ICA1: variants seen among roughly 807,000 people sequenced by gnomAD.
ICA1 encodes the protein 69 kDa islet cell autoantigen.
In ICA1, 40 loss-of-function variants were observed where a neutral mutation model predicts 71.0. The observed-to-expected ratio is 0.56, with a 90% CI of 0.44 to 0.73. The LOEUF is 0.73. Among genes scored for constraint, ICA1 ranks in the 30% least tolerant of loss-of-function variants. ICA1 has a pLI of 0.00. For synonymous variants in ICA1, 207 were observed against 209.5 expected (o/e 0.99, Z 0.10); for missense variants, 578 against 576.5 (o/e 1.00, Z -0.03).
chr7:8,114,553 G>T (rs74701600), intron 13 of ICA1, among the ~76,000 whole-genome samples: 2 of 152,124 alleles, frequency 1.3e-5, no homozygotes, highest in African/African-American at 4.8e-5. Context: ...TCTTCTCTCA[G>T]GGTCACTGCC....
intron 6 of ICA1, among the ~76,000 whole-genome samples, chr7:8,188,716 C>T (rs1164113005): frequency 6.6e-6 from 1 of 152,132 alleles, no homozygotes; most frequent in Non-Finnish European, 1.5e-5. Flanking sequence ...TGCTGCCAAT[C>T]CTGCCTCTCT....
chr7:8,177,437 A>C (rs1439986795), intron 6 of ICA1, among the ~76,000 whole-genome samples: 1 of 152,194 alleles, frequency 6.6e-6, no homozygotes, highest in Non-Finnish European at 1.5e-5. Flanking sequence ...TTAGGTCACA[A>C]GACTGAGCCC....
chr7:8,188,372 A>T (rs1784533853), intron 6 of ICA1, among the ~76,000 whole-genome samples: 1 of 152,122 alleles, frequency 6.6e-6, no homozygotes, highest in Admixed American at 6.5e-5. Context: ...AGCTACCAAA[A>T]TTAACTCTCC....
intron 6 of ICA1, among the ~76,000 whole-genome samples, chr7:8,198,072 T>C (rs1788307421): frequency 1.3e-5 from 2 of 152,246 alleles, no homozygotes; most frequent in East Asian, 1.9e-4. Flanking sequence ...ACAATACAGA[T>C]TGTGGTATAC....
chr7:8,213,354 G>A (rs1325484252), intron 6 of ICA1, among the ~76,000 whole-genome samples: 1 of 152,108 alleles, frequency 6.6e-6, no homozygotes, highest in Non-Finnish European at 1.5e-5. Context: ...ATTTAACACT[G>A]GTTCACTGTA....
intron 8 of ICA1, among the ~76,000 whole-genome samples, chr7:8,154,261 ACT>A (rs1372342664): frequency 2.0e-5 from 3 of 152,144 alleles, no homozygotes; most frequent in Non-Finnish European, 4.4e-5. Context: ...AAGAATTATA[ACT>A]CTATTTCTTA....
intron 6 of ICA1, among the ~76,000 whole-genome samples, chr7:8,184,193 A>G (rs926588286): frequency 5.3e-5 from 8 of 152,216 alleles, no homozygotes; most frequent in African/African-American, 1.9e-4. Context: ...GTCAAACAGA[A>G]AAGTGCTCAG....
chr7:8,233,224 G>A (rs988426949), intron 2 of ICA1, among the ~76,000 whole-genome samples: 1 of 152,290 alleles, frequency 6.6e-6, no homozygotes, highest in Admixed American at 6.5e-5. Flanking sequence ...ATCTGTTACA[G>A]AGAAATCTAA....
At chr7:8,145,748 G>GA (rs1796628625) in intron 8 of ICA1, among the ~76,000 whole-genome samples, 1 of 141,234 alleles carries the variant, frequency 7.1e-6, no homozygotes, top group Non-Finnish European at 1.5e-5. Flanking sequence ...GAATCATTGT[G>GA]TATATATATA....
At chr7:8,166,551 C>T (rs1217514520) in intron 6 of ICA1, among the ~76,000 whole-genome samples, 1 of 152,066 alleles carries the variant, frequency 6.6e-6, no homozygotes, top group Non-Finnish European at 1.5e-5. Context: ...TGAAAGATAA[C>T]CTGGGACAAA....
intron 12 of ICA1, among the ~76,000 whole-genome samples, chr7:8,137,698 T>C (rs1486561294): frequency 6.6e-6 from 1 of 152,256 alleles, no homozygotes; most frequent in African/African-American, 2.4e-5. Context: ...ATTCACACAG[T>C]ACTGCATAGT....
At chr7:8,149,521 T>A (rs1270915573) in intron 8 of ICA1, among the ~76,000 whole-genome samples, 2 of 152,184 alleles carry the variant, frequency 1.3e-5, no homozygotes, top group Non-Finnish European at 2.9e-5. Flanking sequence ...CAGCTTAATA[T>A]AATAATGGGA....
chr7:8,253,180 T>C (rs1196734941), intron 1 of ICA1, among the ~76,000 whole-genome samples: 1 of 152,246 alleles, frequency 6.6e-6, no homozygotes, highest in Non-Finnish European at 1.5e-5. Context: ...CAATATTCTG[T>C]ACTAGTTACA....
At chr7:8,260,440 C>G (rs1028839870) in intron 1 of ICA1, among the ~76,000 whole-genome samples, 2 of 152,140 alleles carry the variant, frequency 1.3e-5, no homozygotes, top group East Asian at 1.9e-4. Flanking sequence ...ATCTTTAGCA[C>G]TCAATGATCC....
At chr7:8,191,443 G>A (rs1785607879) in intron 6 of ICA1, among the ~76,000 whole-genome samples, 1 of 152,128 alleles carries the variant, frequency 6.6e-6, no homozygotes, top group South Asian at 2.1e-4. Context: ...TCAGTACAGT[G>A]TTCAATAAAT....
At chr7:8,172,371 G>C (rs1437306972) in intron 6 of ICA1, among the ~76,000 whole-genome samples, 1 of 151,970 alleles carries the variant, frequency 6.6e-6, no homozygotes, top group Admixed American at 6.6e-5. Flanking sequence ...GTATGTTTTT[G>C]TCTGATATGA....
intron 2 of ICA1, among the ~76,000 whole-genome samples, chr7:8,235,220 T>C (rs1249136324): frequency 1.3e-5 from 2 of 152,164 alleles, no homozygotes; most frequent in East Asian, 3.8e-4. Context: ...ATGTAACACA[T>C]TTGTTTTTCA....
intron 12 of ICA1, among the ~76,000 whole-genome samples, chr7:8,133,284 A>G (rs1792157615): frequency 6.6e-6 from 1 of 152,070 alleles, no homozygotes; most frequent in South Asian, 2.1e-4. Context: ...AATAAATTCC[A>G]TTTCTTTCTT....
At chr7:8,195,502 A>G (rs1244905307) in intron 6 of ICA1, among the ~76,000 whole-genome samples, 1 of 152,088 alleles carries the variant, frequency 6.6e-6, no homozygotes, top group Non-Finnish European at 1.5e-5. Context: ...AGATCATACC[A>G]CTGCATTCCA....
Sources: gnomAD v4.1 joint callset for allele counts (sites outside exome capture counted in the v4.1 genomes callset) on GRCh38, gnomAD v4.1.1 for gene constraint, MANE v1.5 for transcripts, NCBI Gene and HGNC (gene_info 2026-07-23, HGNC 2026-07-21) for gene names.